The following DPP10 variants were observed in gnomAD, a reference collection of about 807,000 sequenced individuals.
DPP10 encodes inactive dipeptidyl peptidase 10.
Under a neutral mutation model 120.9 loss-of-function variants are expected in DPP10, and 33 were observed. The ratio of observed to expected loss-of-function variants is 0.27; its 90% CI spans 0.21 to 0.37. The LOEUF (loss-of-function observed/expected upper bound fraction) is 0.37. DPP10 is among the 10% of genes least tolerant of loss of function. The pLI, the probability that DPP10 is intolerant of heterozygous loss-of-function variation, is 1.00. For missense variants in DPP10, 816 were observed against 942.8 expected (o/e 0.87, Z 1.76); for synonymous variants, 337 against 326.1 (o/e 1.03, Z -0.36).
At chr2:114,961,033 C>CTTTTTTTTTTTTTTTTTTTTTTTTTTTTT (rs772146022) in intron 1 of DPP10, among the ~76,000 whole-genome samples, 1 of 52,004 alleles carries the variant, frequency 1.9e-5, no homozygotes, top group African/African-American at 7.5e-5. Context: ...CTCTATACGC[C>CTTTTTTTTTTTTTTTTTTTTTTTTTTTTT]TTTTTTTTTT....
intron 1 of DPP10, among the ~76,000 whole-genome samples, chr2:115,190,573 C>T (rs748778903): frequency 4.6e-5 from 7 of 152,272 alleles, no homozygotes; most frequent in African/African-American, 1.2e-4. Context: ...TTTCCCCCGG[C>T]GGTGAAAGGC....
intron 1 of DPP10, among the ~76,000 whole-genome samples, chr2:115,270,421 G>A (rs1039477621): frequency 1.3e-5 from 2 of 152,044 alleles, no homozygotes; most frequent in Non-Finnish European, 2.9e-5. Context: ...GTGGGGCCAT[G>A]CCTTTATTGA....
At chr2:114,864,126 G>A (rs910045262) in intron 1 of DPP10, among the ~76,000 whole-genome samples, 4 of 152,154 alleles carry the variant, frequency 2.6e-5, no homozygotes, top group Non-Finnish European at 5.9e-5. Context: ...CAGAAATGTC[G>A]AATACAGATT....
intron 11 of DPP10, among the ~76,000 whole-genome samples, chr2:115,762,229 C>T (rs149576709): frequency 1.4e-3 from 218 of 152,216 alleles, no homozygotes; most frequent in African/African-American, 4.9e-3. Context: ...ATTTTGTCTC[C>T]CAATGATGCC....
chr2:114,765,651 G>A (rs1680645538), intron 1 of DPP10, among the ~76,000 whole-genome samples: 1 of 152,086 alleles, frequency 6.6e-6, no homozygotes, highest in South Asian at 2.1e-4. Flanking sequence ...TTTTCCAACG[G>A]CCTAAACACA....
chr2:115,151,695 C>T (rs2051569219), intron 1 of DPP10, among the ~76,000 whole-genome samples: 1 of 151,482 alleles, frequency 6.6e-6, no homozygotes, highest in Admixed American at 6.6e-5. Flanking sequence ...GCGTGAGCCA[C>T]CGCGCCCAGT....
intron 1 of DPP10, among the ~76,000 whole-genome samples, chr2:114,516,478 A>G (rs1684604573): frequency 6.6e-6 from 1 of 152,196 alleles, no homozygotes; most frequent in Non-Finnish European, 1.5e-5. Context: ...AAGAAAGATG[A>G]TGATTTTGTT....
intron 1 of DPP10, among the ~76,000 whole-genome samples, chr2:114,532,374 TAC>T (rs762615135): frequency 7.3e-5 from 11 of 149,836 alleles, no homozygotes; most frequent in Non-Finnish European, 1.5e-4. Context: ...TATGTATATA[TAC>T]ACACATATTC....
At chr2:114,621,354 C>A (rs1169189014) in intron 1 of DPP10, among the ~76,000 whole-genome samples, 1 of 151,832 alleles carries the variant, frequency 6.6e-6, no homozygotes, top group African/African-American at 2.4e-5. Context: ...AACTGTGTTT[C>A]TTGCACTGTG....
chr2:115,506,977 A>C (rs965818344), intron 4 of DPP10, among the ~76,000 whole-genome samples: 6 of 151,984 alleles, frequency 3.9e-5, no homozygotes, highest in Non-Finnish European at 5.9e-5. Context: ...TATTGTTGAA[A>C]TATTGCCTCG....
chr2:114,637,400 CAG>C (rs1373563564), intron 1 of DPP10, among the ~76,000 whole-genome samples: 1 of 151,838 alleles, frequency 6.6e-6, no homozygotes, highest in Non-Finnish European at 1.5e-5. Flanking sequence ...AGCAGGCTGT[CAG>C]GGGAACGACT....
At chr2:114,579,001 C>G (rs1197673144) in intron 1 of DPP10, among the ~76,000 whole-genome samples, 4 of 152,186 alleles carry the variant, frequency 2.6e-5, no homozygotes, top group Non-Finnish European at 5.9e-5. Flanking sequence ...CTCTTTGCTA[C>G]TCTCAAATTT....
intron 10 of DPP10, among the ~76,000 whole-genome samples, chr2:115,752,791 T>G: frequency 6.6e-6 from 1 of 152,168 alleles, no homozygotes; most frequent in East Asian, 1.9e-4. Flanking sequence ...CCTTTATAAA[T>G]GTATACTTGT....
At chr2:115,773,952 T>A (rs1315605405) in intron 13 of DPP10, among the ~76,000 whole-genome samples, 1 of 152,094 alleles carries the variant, frequency 6.6e-6, no homozygotes, top group Non-Finnish European at 1.5e-5. Context: ...ATACCATATT[T>A]GCCCTGGTAG....
At chr2:115,381,528 C>T (rs545778656) in intron 3 of DPP10, among the ~76,000 whole-genome samples, 16 of 152,270 alleles carry the variant, frequency 1.1e-4, no homozygotes, top group African/African-American at 2.9e-4. Context: ...GAAATTTGAT[C>T]GTCTGAAGCC....
intron 1 of DPP10, among the ~76,000 whole-genome samples, chr2:114,768,127 CA>C (rs759782705): frequency 0.037 from 1,854 of 50,052 alleles, 10 homozygotes; most frequent in Middle Eastern, 0.06. Flanking sequence ...GGCTCTGTCT[CA>C]AAAAAAAAAA....
intron 1 of DPP10, among the ~76,000 whole-genome samples, chr2:115,172,378 C>T (rs1224606094): frequency 4.1e-5 from 6 of 147,526 alleles, no homozygotes; most frequent in South Asian, 2.1e-4. Context: ...AGTGAGAATC[C>T]GTCTCAAAAA....
At chr2:115,470,491 C>G (rs944571510) in intron 3 of DPP10, among the ~76,000 whole-genome samples, 1 of 152,084 alleles carries the variant, frequency 6.6e-6, no homozygotes. Context: ...ACATGCCTCT[C>G]TCATTGGGCA....
In DPP10 at chr2:115,468,629, A is replaced by G. The variant is rs1044460253; in HGVS notation, c.272-30881A>G. On this transcript the variant is annotated intron_variant, in intron 3 of 25. Transcript: ENST00000410059. Reference sequence around the variant, plus strand: ...GTGGCACCATCTCCCATGAACATCCATGGGAGGTCATGCCTGATCTCTACT... The same window carrying G: ...GTGGCACCATCTCCCATGAACATCCGTGGGAGGTCATGCCTGATCTCTACT... The G allele has an allele frequency of 2.4e-5, 9 of 380,012 alleles. 1 individual carries two copies. The highest frequency in any genetic ancestry group is 8.1e-5 in the South Asian group (4 of 49,100). The allele number at this position is 380,012 out of a possible 1,614,324, so 23.5% of individuals were successfully genotyped here.
Sources: gnomAD v4.1 joint callset for allele counts (sites outside exome capture counted in the v4.1 genomes callset) on GRCh38, gnomAD v4.1.1 for gene constraint, MANE v1.5 for transcripts, NCBI Gene and HGNC (gene_info 2026-07-23, HGNC 2026-07-21) for gene names.